PTPRD: variants seen among roughly 807,000 people sequenced by gnomAD.
PTPRD encodes protein tyrosine phosphatase receptor type D.
Under a neutral mutation model 214.5 loss-of-function variants are expected in PTPRD, and 34 were observed. The ratio of observed to expected loss-of-function variants is 0.16; its 90% CI spans 0.12 to 0.21. The LOEUF (loss-of-function observed/expected upper bound fraction) is 0.21. Among genes scored for constraint, PTPRD ranks in the 10% least tolerant of loss-of-function variants. PTPRD has a pLI of 1.00. For missense variants in PTPRD, 2,545 were observed against 2,398.7 expected, an observed-to-expected ratio of 1.06 and a Z score of -1.27; for synonymous variants, 1,128 against 845.7, an observed-to-expected ratio of 1.33 and a Z score of -5.79.
chr9:8,504,637 CT>C (rs1463616619), intron 22 of PTPRD, among the ~76,000 whole-genome samples: 12 of 152,144 alleles, frequency 7.9e-5, no homozygotes, highest in Admixed American at 7.9e-4. Flanking sequence ...AGTCAGAGAT[CT>C]TTTTAATGTT....
At chr9:8,633,555 T>C in intron 13 of PTPRD, 97 bp from the exon 14 acceptor site, 6 of 1,368,890 alleles carry the variant, frequency 4.4e-6, no homozygotes, top group South Asian at 2.7e-5. Flanking sequence ...ATTAGGCTCA[T>C]AATAAACTAG....
chr9:8,745,348 A>C (rs2092673253), intron 11 of PTPRD, among the ~76,000 whole-genome samples: 1 of 152,212 alleles, frequency 6.6e-6, no homozygotes, highest in East Asian at 1.9e-4. Flanking sequence ...CGATGTCATG[A>C]TTAATTCCAA....
At chr9:8,838,060 G>A (rs1367451977) in intron 11 of PTPRD, among the ~76,000 whole-genome samples, 1 of 152,102 alleles carries the variant, frequency 6.6e-6, no homozygotes, top group East Asian at 1.9e-4. Context: ...ACACAAGAAA[G>A]CACCAAAGAA....
At chr9:9,822,690 C>T (rs2051211050) in intron 5 of PTPRD, among the ~76,000 whole-genome samples, 1 of 151,664 alleles carries the variant, frequency 6.6e-6, no homozygotes, top group South Asian at 2.1e-4. Flanking sequence ...AGAAAATAAT[C>T]ACAACCTACA....
chr9:9,483,091 T>C (rs2095485353), intron 8 of PTPRD, among the ~76,000 whole-genome samples: 1 of 152,192 alleles, frequency 6.6e-6, no homozygotes, highest in Non-Finnish European at 1.5e-5. Context: ...TTCTAATATA[T>C]TGATATCTAA....
At chr9:9,901,279 A>C (rs185400079) in intron 5 of PTPRD, among the ~76,000 whole-genome samples, 28 of 152,284 alleles carry the variant, frequency 1.8e-4, no homozygotes, top group Admixed American at 1.8e-3. Flanking sequence ...TTATAAAACA[A>C]TTTTCAGAGT....
intron 10 of PTPRD, among the ~76,000 whole-genome samples, chr9:9,114,261 G>C (rs1330627381): frequency 6.6e-6 from 1 of 152,138 alleles, no homozygotes; most frequent in East Asian, 1.9e-4. Flanking sequence ...TGGCCATACA[G>C]TTGAAACGAG....
intron 3 of PTPRD, among the ~76,000 whole-genome samples, chr9:10,167,964 A>G (rs2099169714): frequency 6.6e-6 from 1 of 152,212 alleles, no homozygotes; most frequent in Non-Finnish European, 1.5e-5. Context: ...TTGAGTTTCA[A>G]TCTGAACTGT....
chr9:9,741,359 AT>A (rs34274995), intron 6 of PTPRD, among the ~76,000 whole-genome samples: 1 of 151,720 alleles, frequency 6.6e-6, no homozygotes, highest in African/African-American at 2.4e-5. Context: ...CAAAAATAGA[AT>A]TTTTTTTACA....
intron 2 of PTPRD, among the ~76,000 whole-genome samples, chr9:10,475,231 A>T (rs1283751432): frequency 6.6e-6 from 1 of 152,098 alleles, no homozygotes; most frequent in Non-Finnish European, 1.5e-5. Context: ...AAATATATAG[A>T]TCACTAGCCA....
intron 2 of PTPRD, among the ~76,000 whole-genome samples, chr9:10,353,315 G>C (rs1369634866): frequency 6.6e-6 from 1 of 151,916 alleles, no homozygotes; most frequent in Non-Finnish European, 1.5e-5. Flanking sequence ...CCTAGGATAA[G>C]AATGGAACCA....
intron 9 of PTPRD, among the ~76,000 whole-genome samples, chr9:9,391,201 T>G (rs975867971): frequency 6.6e-6 from 1 of 152,136 alleles, no homozygotes; most frequent in African/African-American, 2.4e-5. Flanking sequence ...AGCCCCCAAA[T>G]TGAAAGTGAG....
At chr9:8,603,100 A>C (rs16928185) in intron 14 of PTPRD, among the ~76,000 whole-genome samples, 16,631 of 152,216 alleles carry the variant, frequency 0.11, 929 homozygotes, top group East Asian at 0.17. Context: ...TACCTGCAAG[A>C]TGATTTGTAT....
chr9:9,244,528 C>A (rs896104813), intron 9 of PTPRD, among the ~76,000 whole-genome samples: 21 of 152,210 alleles, frequency 1.4e-4, no homozygotes, highest in Middle Eastern at 3.4e-3. Context: ...CAAAAACAAG[C>A]AATGGGGAAA....
intron 7 of PTPRD, among the ~76,000 whole-genome samples, chr9:9,653,614 T>G (rs980540543): frequency 1.5e-4 from 23 of 152,142 alleles, no homozygotes; most frequent in African/African-American, 4.1e-4. Context: ...GAAACATTAC[T>G]GAACAGCATG....
chr9:9,316,920 T>C (rs1028999710), intron 9 of PTPRD, among the ~76,000 whole-genome samples: 3 of 152,166 alleles, frequency 2.0e-5, no homozygotes, highest in African/African-American at 7.2e-5. Context: ...ACAAACTCTC[T>C]GTCTCTAAAG....
chr9:10,457,566 G>A (rs1316465893), intron 2 of PTPRD, among the ~76,000 whole-genome samples: 2 of 151,964 alleles, frequency 1.3e-5, no homozygotes, highest in East Asian at 3.9e-4. Flanking sequence ...TTTTGGGGCT[G>A]TTATAGATAA....
intron 43 of PTPRD, among the ~76,000 whole-genome samples, chr9:8,337,990 T>G (rs1244112995): frequency 1.2e-4 from 18 of 152,092 alleles, no homozygotes; most frequent in Non-Finnish European, 1.5e-5. Context: ...TTAACAGGTC[T>G]GTCACCTAGG....
At chr9:8,817,576 A>G (rs2154525224) in intron 11 of PTPRD, among the ~76,000 whole-genome samples, 1 of 152,274 alleles carries the variant, frequency 6.6e-6, no homozygotes, top group Non-Finnish European at 1.5e-5. Flanking sequence ...GAATGCAGTG[A>G]GCTGTGATCA....
Sources: allele counts gnomAD v4.1 joint callset (sites outside exome capture counted in the v4.1 genomes callset), GRCh38; gene constraint gnomAD v4.1.1; transcripts MANE v1.5; gene names NCBI Gene and HGNC (gene_info 2026-07-23, HGNC 2026-07-21).